The following EYS variants were observed in gnomAD, a reference collection of about 807,000 sequenced individuals.
EYS encodes the protein EGF-like photoreceptor maintenance factor.
In EYS, 250 loss-of-function variants were observed where a neutral mutation model predicts 282.1. The ratio of observed to expected loss-of-function variants is 0.89; its 90% CI spans 0.80 to 0.98. EYS has a LOEUF of 0.98. Among genes scored for constraint, EYS ranks in the 50% least tolerant of loss-of-function variants. EYS has a pLI of 0.00. For synonymous variants in EYS, 1,355 were observed against 1,282.9 expected (o/e 1.06, Z -1.20); for missense variants, 4,016 against 3,709.0 (o/e 1.08, Z -2.15).
At chr6:64,874,229 A>ACAT (rs1329602579) in intron 19 of EYS, among the ~76,000 whole-genome samples, 1 of 152,118 alleles carries the variant, frequency 6.6e-6, no homozygotes, top group Non-Finnish European at 1.5e-5. Flanking sequence ...TATAGGCAGC[A>ACAT]CATTGCATTT....
At chr6:64,090,447 A>T (rs1772316055) in intron 31 of EYS, among the ~76,000 whole-genome samples, 1 of 152,146 alleles carries the variant, frequency 6.6e-6, no homozygotes, top group Non-Finnish European at 1.5e-5. Flanking sequence ...ATCTTTTTCA[A>T]TATAGAATTG....
intron 36 of EYS, among the ~76,000 whole-genome samples, chr6:63,859,609 A>G (rs1241575713): frequency 6.6e-6 from 1 of 151,982 alleles, no homozygotes; most frequent in Admixed American, 6.6e-5. Flanking sequence ...TTATACATTA[A>G]GAGAACATTC....
At chr6:65,567,096 T>A (rs73449358) in intron 2 of EYS, among the ~76,000 whole-genome samples, 3 of 151,866 alleles carry the variant, frequency 2.0e-5, no homozygotes. Context: ...TGGATTGTTA[T>A]AAAATCTAGC....
intron 32 of EYS, among the ~76,000 whole-genome samples, chr6:64,080,494 C>T (rs1771927575): frequency 6.6e-6 from 1 of 152,064 alleles, no homozygotes; most frequent in South Asian, 2.1e-4. Flanking sequence ...AATTTTCTCC[C>T]ATTCTGTAGG....
intron 2 of EYS, among the ~76,000 whole-genome samples, chr6:65,599,509 C>T (rs541730837): frequency 6.6e-6 from 1 of 152,148 alleles, no homozygotes; most frequent in South Asian, 2.1e-4. Flanking sequence ...GCCCCTGGTC[C>T]TTGATCCATC....
intron 29 of EYS, among the ~76,000 whole-genome samples, chr6:64,330,518 CA>C (rs1415300362): frequency 6.6e-6 from 1 of 152,140 alleles, no homozygotes; most frequent in East Asian, 1.9e-4. Flanking sequence ...CCAGACATGA[CA>C]AGGCCTTTTT....
chr6:65,426,951 T>C (rs1009747337), intron 5 of EYS, among the ~76,000 whole-genome samples: 3 of 152,122 alleles, frequency 2.0e-5, no homozygotes, highest in African/African-American at 7.2e-5. Context: ...TTAATATTAA[T>C]GTAGTTAAAT....
At chr6:64,496,936 A>G (rs1240275310) in intron 26 of EYS, among the ~76,000 whole-genome samples, 4 of 152,160 alleles carry the variant, frequency 2.6e-5, no homozygotes, top group Non-Finnish European at 5.9e-5. Context: ...ATTGTAAAGG[A>G]TTTATGCCAT....
intron 22 of EYS, among the ~76,000 whole-genome samples, chr6:64,771,682 A>G (rs1209930527): frequency 6.6e-6 from 1 of 151,584 alleles, no homozygotes; most frequent in East Asian, 1.9e-4. Context: ...GTTTGTTGTT[A>G]ATTTCATTTT....
chr6:65,628,717 C>A (rs1225404515), intron 2 of EYS, among the ~76,000 whole-genome samples: 1 of 151,838 alleles, frequency 6.6e-6, no homozygotes, highest in Non-Finnish European at 1.5e-5. Flanking sequence ...AGACCACGAA[C>A]CCACCAGAAG....
chr6:64,279,499 G>T (rs543903096), intron 30 of EYS, among the ~76,000 whole-genome samples: 1 of 151,846 alleles, frequency 6.6e-6, no homozygotes, highest in Non-Finnish European at 1.5e-5. Context: ...CCACTTGTAA[G>T]GGTAAGGTGA....
intron 2 of EYS, among the ~76,000 whole-genome samples, chr6:65,575,166 CAA>C (rs1476630045): frequency 1.3e-5 from 2 of 151,674 alleles, no homozygotes; most frequent in African/African-American, 2.4e-5. Flanking sequence ...GCTAAAAATA[CAA>C]AATTTTTTTG....
At chr6:63,859,516 A>T (rs1222252324) in intron 36 of EYS, among the ~76,000 whole-genome samples, 1 of 152,096 alleles carries the variant, frequency 6.6e-6, no homozygotes, top group Non-Finnish European at 1.5e-5. Flanking sequence ...TATAGAAAGG[A>T]CAAAAGAGAG....
chr6:64,556,026 C>A (rs1462236344), intron 26 of EYS, among the ~76,000 whole-genome samples: 1 of 151,976 alleles, frequency 6.6e-6, no homozygotes, highest in Non-Finnish European at 1.5e-5. Flanking sequence ...AGAACTCTCA[C>A]ATAATGCTAG....
At chr6:65,435,504 A>G (rs181514717) in intron 5 of EYS, among the ~76,000 whole-genome samples, 85 of 152,242 alleles carry the variant, frequency 5.6e-4, no homozygotes, top group African/African-American at 2.0e-3. Flanking sequence ...ACAGTCTCTT[A>G]TGGAATTACT....
chr6:64,028,007 GT>G (rs1197323018), intron 33 of EYS, among the ~76,000 whole-genome samples: 1 of 152,208 alleles, frequency 6.6e-6, no homozygotes, highest in Non-Finnish European at 1.5e-5. Context: ...CTGTAACCAG[GT>G]ATTTCTCCCA....
At chr6:65,133,290 C>A (rs746229763) in intron 12 of EYS, among the ~76,000 whole-genome samples, 1 of 151,572 alleles carries the variant, frequency 6.6e-6, no homozygotes, top group African/African-American at 2.4e-5. Flanking sequence ...ACAAAAAAAG[C>A]AAACAACAAC....
chr6:64,592,642 T>C (rs1218652929), intron 25 of EYS, among the ~76,000 whole-genome samples: 1 of 152,162 alleles, frequency 6.6e-6, no homozygotes, highest in Non-Finnish European at 1.5e-5. Flanking sequence ...ATCACTTGAT[T>C]TAGAAAGTTA....
intron 19 of EYS, among the ~76,000 whole-genome samples, chr6:64,843,336 A>G (rs1359742817): frequency 6.6e-6 from 1 of 152,150 alleles, no homozygotes; most frequent in Non-Finnish European, 1.5e-5. Context: ...ATCCACTGAC[A>G]GCTTGCACAG....
Sources: allele counts gnomAD v4.1 joint callset (sites outside exome capture counted in the v4.1 genomes callset), GRCh38; gene constraint gnomAD v4.1.1; transcripts MANE v1.5; gene names NCBI Gene and HGNC (gene_info 2026-07-23, HGNC 2026-07-21).